NNT: variants seen among roughly 807,000 people sequenced by gnomAD.
NNT encodes nicotinamide nucleotide transhydrogenase, also known as NAD(P) transhydrogenase, mitochondrial.
A neutral mutation model predicts 104.8 loss-of-function variants in NNT; 50 were observed. The observed-to-expected ratio is 0.48, with a 90% CI of 0.38 to 0.60. NNT has a LOEUF of 0.60. Ranked by LOEUF, NNT falls within the 20% of genes least tolerant of loss-of-function variation. NNT has a pLI of 0.00. For missense variants in NNT, 1,131 were observed against 1,330.7 expected (o/e 0.85, Z 2.33); for synonymous variants, 461 against 490.4 (o/e 0.94, Z 0.79).
intron 17 of NNT, among the ~76,000 whole-genome samples, chr5:43,672,277 C>T (rs537244934): frequency 7.9e-5 from 12 of 152,352 alleles, no homozygotes; most frequent in East Asian, 5.8e-4. Flanking sequence ...GCCTTCTTCT[C>T]TCAACTTGTC....
chr5:43,660,062 G>T (rs1417261445), intron 17 of NNT, among the ~76,000 whole-genome samples: 9 of 152,054 alleles, frequency 5.9e-5, no homozygotes, highest in Admixed American at 5.9e-4. Flanking sequence ...ACTTTATCGT[G>T]ATCCATCATA....
chr5:43,624,193 A>G (rs1174291912), intron 6 of NNT, 73 bp downstream of exon 6: 2 of 1,336,698 alleles, frequency 1.5e-6, no homozygotes, highest in African/African-American at 2.9e-5. Context: ...ATTGCCTTAA[A>G]ACTTGTAAAT....
At chr5:43,613,379 T>C (rs1749605957) in intron 3 of NNT, 1 of 426,868 alleles carries the variant, frequency 2.3e-6, no homozygotes, top group Admixed American at 4.0e-5. Context: ...ACATTTGCTA[T>C]ATGGACATTT....
At chr5:43,615,098 C>T (rs1401003858) in intron 3 of NNT, among the ~76,000 whole-genome samples, 1 of 151,848 alleles carries the variant, frequency 6.6e-6, no homozygotes, top group Non-Finnish European at 1.5e-5. Context: ...GATTGCGCCA[C>T]TGCAGTCCGC....
chr5:43,677,744 C>T lies in NNT; in HGVS notation c.2814C>T (p.Ala938=). 1 of 1,613,562 alleles carries T rather than the reference C, an allele frequency of 6.2e-7. No individual in the cohort carries two copies. The highest frequency in any genetic ancestry group is 8.5e-7 in the Non-Finnish European group (1 of 1,179,620). ...TTGCAGGCTATGGTCTCTGTGCAGC[C>T]AAAGCTCAATACCCCATTGCTGATT... is the stretch of plus-strand genomic sequence containing the variant. The part of the protein sequence containing the change: ...IITPGYGLCA[A]KAQYPIADLV... The change falls in exon 19 of 22, where the codon GCC becomes GCT. Residue 938 remains alanine, a synonymous_variant. Transcript: ENST00000344920.
intron 10 of NNT, 151 bp downstream of exon 10, chr5:43,645,661 C>A (rs1295003793): frequency 7.5e-4 from 47 of 63,056 alleles, no homozygotes; most frequent in African/African-American, 2.0e-3. Flanking sequence ...CTATCTCTCT[C>A]TCTCTCTCTC....
intron 17 of NNT, among the ~76,000 whole-genome samples, chr5:43,673,545 A>G (rs1741245780): frequency 6.6e-6 from 1 of 152,216 alleles, no homozygotes; most frequent in Non-Finnish European, 1.5e-5. Flanking sequence ...ATATTTTGAT[A>G]ACAATTTCAG....
chr5:43,656,628 G>A (rs1255448003), intron 15 of NNT, 25 bp from the exon 16 acceptor site: 1 of 1,578,768 alleles, frequency 6.3e-7, no homozygotes, highest in Admixed American at 1.9e-5. Context: ...ATTCTGAATT[G>A]TAACTACTAT....
rs1339708449 is a variant in NNT at position 43,704,844 on chromosome 5, A to T, written c.*440A>T. On this transcript the variant is annotated 3_prime_UTR_variant, in exon 22 of 22. Coordinates refer to ENST00000344920, the MANE Select transcript of NNT (RefSeq NM_182977.3). ...GCATTTTATGTTTTTTTTTTCAACA[A>T]ATGTGACTAATTTGAAACTTTTATG... 6.4e-6 allele frequency: 1 copy of T among 155,416 alleles called. No homozygotes were observed. Among genetic ancestry groups the T allele is most frequent in the African/African-American group, 2.4e-5 (1 of 41,466 alleles). 9.6% of individuals were successfully genotyped at this position (155,416 alleles called of 1,614,324 possible). A position where few individuals can be genotyped will look rare whatever the true frequency, so the allele number is the denominator to read the frequency against.
intron 1 of NNT, among the ~76,000 whole-genome samples, chr5:43,604,729 T>C (rs1749114281): frequency 6.6e-6 from 1 of 152,176 alleles, no homozygotes. Flanking sequence ...TGGAGTACAG[T>C]GGCACAATCA....
intron 17 of NNT, among the ~76,000 whole-genome samples, chr5:43,671,401 T>C (rs1379191294): frequency 2.6e-5 from 4 of 152,230 alleles, no homozygotes; most frequent in Non-Finnish European, 5.9e-5. Flanking sequence ...CAATTTGGCA[T>C]GTTTTTGCAG....
intron 19 of NNT, among the ~76,000 whole-genome samples, chr5:43,686,108 A>G: frequency 6.6e-6 from 1 of 152,034 alleles, no homozygotes; most frequent in East Asian, 1.9e-4. Context: ...AGATTATTCT[A>G]CTTTTTTTGA....
At chr5:43,676,655 C>G (rs1341763931) in intron 18 of NNT, among the ~76,000 whole-genome samples, 2 of 152,106 alleles carry the variant, frequency 1.3e-5, no homozygotes, top group Non-Finnish European at 2.9e-5. Context: ...ACCTATTGAG[C>G]AATGCTGTTC....
intron 17 of NNT, among the ~76,000 whole-genome samples, chr5:43,663,537 C>T (rs1216938574): frequency 1.3e-5 from 2 of 152,168 alleles, no homozygotes; most frequent in Non-Finnish European, 1.5e-5. Context: ...CATTAACCTT[C>T]GTTGATAAAC....
chr5:43,615,401 C>T (rs1437838610), intron 3 of NNT, among the ~76,000 whole-genome samples: 2 of 152,220 alleles, frequency 1.3e-5, no homozygotes, highest in Non-Finnish European at 2.9e-5. Context: ...AATGTCTCAT[C>T]ACTCCAATTA....
At chr5:43,702,811 C>T (rs1479912506) in intron 21 of NNT, 75 bp downstream of exon 21, 17 of 1,076,288 alleles carry the variant, frequency 1.6e-5, no homozygotes, top group Non-Finnish European at 2.3e-5. Flanking sequence ...TTTCTTTGAT[C>T]ATTTGATAAG....
chr5:43,686,738 T>C (rs984109326), intron 19 of NNT, among the ~76,000 whole-genome samples: 2 of 152,138 alleles, frequency 1.3e-5, no homozygotes, highest in African/African-American at 4.8e-5. Flanking sequence ...GCTGTGTACA[T>C]TTATTGAACA....
At chr5:43,657,575 T>G (rs1353739091) in intron 16 of NNT, among the ~76,000 whole-genome samples, 1 of 152,222 alleles carries the variant, frequency 6.6e-6, no homozygotes, top group Non-Finnish European at 1.5e-5. Flanking sequence ...TATGAAATAC[T>G]TACTGGCTCC....
intron 9 of NNT, 79 bp from the exon 10 acceptor site, chr5:43,645,278 A>T: frequency 1.2e-6 from 1 of 846,528 alleles, no homozygotes; most frequent in East Asian, 3.4e-5. Context: ...ACAGGGTTTT[A>T]AAAAATAGTA....
Sources: gnomAD v4.1 joint callset for allele counts (sites outside exome capture counted in the v4.1 genomes callset) on GRCh38, gnomAD v4.1.1 for gene constraint, MANE v1.5 for transcripts, NCBI Gene and HGNC (gene_info 2026-07-23, HGNC 2026-07-21) for gene names.